The following PLD3 variants were observed in gnomAD, a reference collection of about 807,000 sequenced individuals.
PLD3 encodes the protein phospholipase D family member 3, also known as 5'-3' exonuclease PLD3.
Under a neutral mutation model 58.4 loss-of-function variants are expected in PLD3, and 31 were observed. That is an observed-to-expected ratio of 0.53 (90% CI 0.40 to 0.72). The LOEUF is 0.72. Ranked by LOEUF, PLD3 falls within the 30% of genes least tolerant of loss-of-function variation. The pLI, the probability that PLD3 is intolerant of heterozygous loss-of-function variation, is 0.00. For synonymous variants in PLD3, 264 were observed against 273.4 expected (o/e 0.97, Z 0.34); for missense variants, 595 against 659.8 (o/e 0.90, Z 1.08).
chr19:40,374,447 A>C lies in PLD3; in HGVS notation c.880-34A>C, dbSNP rs2145701524. 1.2e-6 allele frequency: 2 copies of C among 1,611,886 alleles called. 1 individual carries two copies. Among genetic ancestry groups the C allele is most frequent in the South Asian group, 2.2e-5 (2 of 90,960 alleles). On this transcript the variant is annotated intron_variant, in intron 9 of 12. Coordinates refer to ENST00000409735, the MANE Select transcript of PLD3 (RefSeq NM_012268.4). The stretch of plus-strand genomic sequence containing the variant: ...GGTCCGTTGTGACGATGACCCTGGC[A>C]GGGCACATGTCTTAACTGTCCCCTC...
intron 1 of PLD3, among the ~76,000 whole-genome samples, chr19:40,363,114 G>GTT (rs1387324138): frequency 1.3e-5 from 2 of 152,080 alleles, no homozygotes; most frequent in African/African-American, 4.8e-5. Context: ...CTCCAGCCCT[G>GTT]ACGCTGCCAG....
intron 1 of PLD3, among the ~76,000 whole-genome samples, chr19:40,350,120 C>T (rs1328855161): frequency 1.3e-5 from 2 of 150,868 alleles, no homozygotes; most frequent in Non-Finnish European, 2.9e-5. Context: ...ATTAGCCAGG[C>T]ATGGTGGCAC....
intron 1 of PLD3, among the ~76,000 whole-genome samples, chr19:40,361,853 T>A (rs1209445989): frequency 6.7e-6 from 1 of 148,286 alleles, no homozygotes; most frequent in African/African-American, 2.5e-5. Flanking sequence ...CTTTTTTTTT[T>A]ATTTTTTGAG....
chr19:40,377,059 AGCACAGGCAGAGGG>A (rs2079226301), intron 11 of PLD3, among the ~76,000 whole-genome samples: 1 of 91,856 alleles, frequency 1.1e-5, no homozygotes, highest in African/African-American at 4.8e-5. Context: ...TGGGATTGGG[AGCACAGGCAGAGGG>A]GTCAGGGCTG....
At chr19:40,349,783 A>AC (rs1344239316) in intron 1 of PLD3, among the ~76,000 whole-genome samples, 1 of 149,492 alleles carries the variant, frequency 6.7e-6, no homozygotes, top group African/African-American at 2.5e-5. Context: ...ACATGGAGAA[A>AC]CCCCGTCTCT....
At chr19:40,355,295 T>A (rs1229952813) in intron 1 of PLD3, among the ~76,000 whole-genome samples, 1 of 151,892 alleles carries the variant, frequency 6.6e-6, no homozygotes, top group Non-Finnish European at 1.5e-5. Flanking sequence ...TTAAGAAGAT[T>A]TTTTTTCCTT....
intron 11 of PLD3, among the ~76,000 whole-genome samples, chr19:40,377,579 AGT>A (rs1402823381): frequency 6.6e-6 from 1 of 151,960 alleles, no homozygotes; most frequent in East Asian, 1.9e-4. Context: ...TGCCGGGAAC[AGT>A]GTTTTGCAAA....
At chr19:40,377,116 C>G (rs1451172420) in intron 11 of PLD3, among the ~76,000 whole-genome samples, 1 of 36,464 alleles carries the variant, frequency 2.7e-5, no homozygotes, top group Non-Finnish European at 5.4e-5. Flanking sequence ...GGGTCGGGGC[C>G]GGGTTGGAGG....
At chr19:40,360,911 G>T (rs1243305034) in intron 1 of PLD3, among the ~76,000 whole-genome samples, 2 of 152,132 alleles carry the variant, frequency 1.3e-5, no homozygotes, top group Non-Finnish European at 2.9e-5. Flanking sequence ...TCCAAATAAG[G>T]TCACATGCAC....
In PLD3 at chr19:40,348,700, G is replaced by C; in HGVS notation, c.-347G>C. 1.6e-6 allele frequency: 1 copy of C among 637,134 alleles called. No homozygotes were observed. The highest frequency in any genetic ancestry group is 2.4e-6 in the Non-Finnish European group (1 of 414,376). 39.5% of individuals were successfully genotyped at this position (637,134 alleles called of 1,614,324 possible). A position where few individuals can be genotyped will look rare whatever the true frequency, so the allele number is the denominator to read the frequency against. ...CGCCTGCGCGCGGCTAGGAGGGGCC[G>C]TCAGGCGGGGATACAGCCTGGAAGG... On this transcript the variant is annotated 5_prime_UTR_variant, in exon 1 of 13. Coordinates refer to ENST00000409735, the MANE Select transcript of PLD3 (RefSeq NM_012268.4).
chr19:40,348,708 G>T lies in PLD3; in HGVS notation c.-339G>T. 1.7e-6 allele frequency: 1 copy of T among 605,602 alleles called. No individual in the cohort carries two copies. Among genetic ancestry groups the T allele is most frequent in the Non-Finnish European group, 2.6e-6 (1 of 384,954 alleles). 37.5% of individuals were successfully genotyped at this position (605,602 alleles called of 1,614,324 possible). ...CGCGGCTAGGAGGGGCCGTCAGGCGGGGATACAGCCTGGAAGGTGCGTGTG... is the reference window on the plus strand; with the variant it reads ...CGCGGCTAGGAGGGGCCGTCAGGCGTGGATACAGCCTGGAAGGTGCGTGTG... On this transcript the variant is annotated 5_prime_UTR_variant, in exon 1 of 13. Coordinates refer to ENST00000409735, the MANE Select transcript of PLD3 (RefSeq NM_012268.4).
At chr19:40,355,733 C>T (rs994129344) in intron 1 of PLD3, 1 of 150,714 alleles carries the variant, frequency 6.6e-6, no homozygotes, top group African/African-American at 2.4e-5. Context: ...CCACTGAGCA[C>T]CTGCTATGCA....
intron 2 of PLD3, 23 bp from the exon 3 acceptor site, chr19:40,366,396 A>G (rs1600301326): frequency 9.1e-7 from 1 of 1,103,082 alleles, no homozygotes; most frequent in Non-Finnish European, 1.4e-6. Context: ...CACCCCACAC[A>G]GTGCCCACTT....
intron 1 of PLD3, among the ~76,000 whole-genome samples, chr19:40,354,683 G>A (rs932634994): frequency 5.3e-5 from 8 of 151,860 alleles, no homozygotes; most frequent in Admixed American, 3.9e-4. Context: ...GTACCACCAC[G>A]CCCTGCTAAT....
In PLD3 at chr19:40,377,882, A is replaced by G. The variant is rs1313017928; in HGVS notation, c.1282A>G (p.Ile428Val). The G allele has an allele frequency of 6.2e-7, 1 of 1,613,760 alleles. No individual in the cohort carries two copies. The highest frequency in any genetic ancestry group is 8.5e-7 in the Non-Finnish European group (1 of 1,179,716). Residue 428 changes from isoleucine to valine, a missense_variant, in exon 12 of 13, where the codon ATC (isoleucine) becomes GTC (valine). Ile to Val is a conservative substitution (Grantham distance 29). Coordinates refer to ENST00000409735, the MANE Select transcript of PLD3 (RefSeq NM_012268.4). The part of the protein sequence containing the change: ...KYMVTERATY[I>V]GTSNWSGNYF... ...CATGGTGACTGAACGCGCCACCTAC[A>G]TCGGTGAGTGTCTTGAGCACCACGG...
chr19:40,350,163 G>T (rs1179594033), intron 1 of PLD3, among the ~76,000 whole-genome samples: 1 of 148,154 alleles, frequency 6.7e-6, no homozygotes, highest in Admixed American at 7.0e-5. Flanking sequence ...GGGAGGCTGA[G>T]ACAGGAGAAT....
intron 10 of PLD3, among the ~76,000 whole-genome samples, chr19:40,375,027 G>A (rs529279557): frequency 1.3e-5 from 2 of 151,970 alleles, no homozygotes; most frequent in East Asian, 1.9e-4. Flanking sequence ...GTGGTGGCAC[G>A]TGCTTGTAAT....
chr19:40,359,618 G>C (rs2145671871), intron 1 of PLD3: 1 of 152,268 alleles, frequency 6.6e-6, no homozygotes, highest in Non-Finnish European at 1.5e-5. Context: ...CTGGTGATGG[G>C]GCACCCTAGC....
chr19:40,355,226 A>G (rs2078625043), intron 1 of PLD3, among the ~76,000 whole-genome samples: 1 of 151,772 alleles, frequency 6.6e-6, no homozygotes, highest in Non-Finnish European at 1.5e-5. Flanking sequence ...TCCAAGGCAC[A>G]TTCCATGTAT....
Sources: allele counts gnomAD v4.1 joint callset (sites outside exome capture counted in the v4.1 genomes callset), GRCh38; gene constraint gnomAD v4.1.1; transcripts MANE v1.5; gene names NCBI Gene and HGNC (gene_info 2026-07-23, HGNC 2026-07-21).